WNT3A: variants seen among roughly 807,000 people sequenced by gnomAD.
WNT3A encodes protein Wnt-3a.
WNT3A carries 17 observed loss-of-function variants against 37.0 expected under a neutral mutation model. The ratio of observed to expected loss-of-function variants is 0.46; its 90% CI spans 0.31 to 0.69. The LOEUF is 0.69. Ranked by LOEUF, WNT3A falls within the 30% of genes least tolerant of loss-of-function variation. The pLI, the probability that WNT3A is intolerant of heterozygous loss-of-function variation, is 0.05. For synonymous variants in WNT3A, 187 were observed against 211.0 expected (o/e 0.89, Z 0.99); for missense variants, 411 against 510.2 (o/e 0.81, Z 1.87).
intron 2 of WNT3A, among the ~76,000 whole-genome samples, chr1:228,023,925 G>A (rs546704401): frequency 5.9e-5 from 9 of 152,294 alleles, no homozygotes; most frequent in South Asian, 2.1e-4. Context: ...AATATTTTGC[G>A]TCTGGCTTTT....
chr1:228,055,211 TATATATATAC>T (rs1467330533), intron 3 of WNT3A, among the ~76,000 whole-genome samples: 5 of 109,314 alleles, frequency 4.6e-5, no homozygotes, highest in Non-Finnish European at 8.9e-5. Context: ...TATATATATA[TATATATATAC>T]ACACACACAA....
chr1:228,024,255 C>T (rs74143616), intron 2 of WNT3A, among the ~76,000 whole-genome samples: 2,296 of 152,364 alleles, frequency 0.015, 26 homozygotes, highest in African/African-American at 0.029. Flanking sequence ...CTATTTTCCA[C>T]AGCAGTTGCA....
intron 3 of WNT3A, among the ~76,000 whole-genome samples, chr1:228,055,158 CAAAAAA>C (rs34263332): frequency 4.1e-3 from 64 of 15,714 alleles, no homozygotes; most frequent in South Asian, 9.8e-3. Context: ...AACTCCGTCC[CAAAAAA>C]AAAAAAAAAA....
chr1:228,008,936 C>A lies in WNT3A; in HGVS notation c.71+1737C>A, dbSNP rs1172429521. On this transcript the variant is annotated intron_variant, in intron 1 of 3. Transcript: ENST00000284523. The surrounding 1 kb of genome is among the most constrained non-coding windows in gnomAD (Gnocchi z 4.9). ...TCTACCCTGAATGGACCCTGAGACACCCTCGGGGACAGTCAGGCATTCTGC... is the reference window on the plus strand; with the variant it reads ...TCTACCCTGAATGGACCCTGAGACAACCTCGGGGACAGTCAGGCATTCTGC... Among the ~76,000 whole-genome samples, 1 of 152,118 alleles carries A rather than the reference C, an allele frequency of 6.6e-6. No individual in the cohort carries two copies.
At chr1:228,027,757 T>C (rs777622780) in intron 2 of WNT3A, among the ~76,000 whole-genome samples, 1 of 152,266 alleles carries the variant, frequency 6.6e-6, no homozygotes, top group Non-Finnish European at 1.5e-5. Flanking sequence ...TCTTTCTGTG[T>C]GCAGAAGCTT....
chr1:228,055,178 AAATATATATATATATATATATATATAT>A (rs71180778), intron 3 of WNT3A, among the ~76,000 whole-genome samples: 8,168 of 47,044 alleles, frequency 0.17, 1,220 homozygotes, highest in South Asian at 0.25. Flanking sequence ...AAAAAAAAAA[AAATATATATATATATATATATATATAT>A]ATATATATAT....
At chr1:228,020,449 T>C (rs1191780357) in intron 1 of WNT3A, among the ~76,000 whole-genome samples, 1 of 152,224 alleles carries the variant, frequency 6.6e-6, no homozygotes, top group Non-Finnish European at 1.5e-5. Context: ...CACAGACAGC[T>C]GACCTTGGTC....
chr1:228,012,034 A>C (rs1185046336), intron 1 of WNT3A, among the ~76,000 whole-genome samples: 1 of 152,184 alleles, frequency 6.6e-6, no homozygotes, highest in Admixed American at 6.5e-5. Flanking sequence ...CCTCTGACTC[A>C]CGGGGCTTGT....
intron 3 of WNT3A, among the ~76,000 whole-genome samples, chr1:228,053,828 G>A (rs1313657292): frequency 1.3e-5 from 2 of 152,160 alleles, no homozygotes; most frequent in Non-Finnish European, 2.9e-5. Context: ...TCTGGGGCAG[G>A]TAATTTGTAA....
chr1:228,013,810 A>G (rs754442807), intron 1 of WNT3A, among the ~76,000 whole-genome samples: 2 of 152,220 alleles, frequency 1.3e-5, no homozygotes, highest in South Asian at 4.1e-4. Flanking sequence ...TCATCCACCA[A>G]CAGGGAAACA....
chr1:228,047,540 G>C (rs1331701812), intron 2 of WNT3A, among the ~76,000 whole-genome samples: 4 of 152,182 alleles, frequency 2.6e-5, no homozygotes. Flanking sequence ...GAGCCCCAGG[G>C]GCTGCTGTCT....
At chr1:228,034,696 A>G (rs2031093185) in intron 2 of WNT3A, among the ~76,000 whole-genome samples, 2 of 152,234 alleles carry the variant, frequency 1.3e-5, no homozygotes, top group South Asian at 4.1e-4. Flanking sequence ...TTAGAGTTAT[A>G]TATGCCAAAA....
At chr1:228,048,961 A>G (rs1469326202) in intron 2 of WNT3A, among the ~76,000 whole-genome samples, 1 of 152,156 alleles carries the variant, frequency 6.6e-6, no homozygotes, top group Non-Finnish European at 1.5e-5. Flanking sequence ...CCTTCTGCAC[A>G]AGCAATGCCA....
intron 2 of WNT3A, among the ~76,000 whole-genome samples, chr1:228,044,623 G>A (rs756619879): frequency 6.6e-6 from 1 of 152,210 alleles, no homozygotes; most frequent in Non-Finnish European, 1.5e-5. Context: ...ATCATCCCTG[G>A]AGCCACAAGG....
chr1:228,015,010 A>G (rs531898009), intron 1 of WNT3A, among the ~76,000 whole-genome samples: 2 of 152,376 alleles, frequency 1.3e-5, no homozygotes, highest in East Asian at 3.9e-4. Flanking sequence ...GATTGTTAGG[A>G]AAAAAACAAA....
At chr1:228,020,974 A>T (rs1288524701) in intron 1 of WNT3A, among the ~76,000 whole-genome samples, 1 of 151,108 alleles carries the variant, frequency 6.6e-6, no homozygotes, top group African/African-American at 2.4e-5. Flanking sequence ...AGCATAAGGA[A>T]CTCTCTCCCT....
chr1:228,058,960 C>T, intron 3 of WNT3A, 26 bp from the exon 4 acceptor site: 1 of 1,587,454 alleles, frequency 6.3e-7, no homozygotes, highest in Non-Finnish European at 8.6e-7. Context: ...GCCGCCCTGA[C>T]GCTGGCTCCT....
intron 2 of WNT3A, among the ~76,000 whole-genome samples, chr1:228,027,844 T>C (rs2030889771): frequency 6.6e-6 from 1 of 152,248 alleles, no homozygotes; most frequent in Non-Finnish European, 1.5e-5. Context: ...ATGAATTATT[T>C]GCCTAGGTTG....
intron 1 of WNT3A, among the ~76,000 whole-genome samples, chr1:228,013,195 G>A (rs889968122): frequency 3.3e-5 from 5 of 152,160 alleles, no homozygotes; most frequent in African/African-American, 4.8e-5. Context: ...TTACAGGCTC[G>A]TGCCACTACG....
Sources: allele counts gnomAD v4.1 joint callset (sites outside exome capture counted in the v4.1 genomes callset), GRCh38; gene constraint gnomAD v4.1.1; non-coding constraint Gnocchi (gnomAD v3.1); transcripts MANE v1.5; gene names NCBI Gene and HGNC (gene_info 2026-07-23, HGNC 2026-07-21).